The following RASAL2 variants were observed in gnomAD, a reference collection of about 807,000 sequenced individuals.
The protein encoded by RASAL2 is RAS protein activator like 2.
Under a neutral mutation model 128.9 loss-of-function variants are expected in RASAL2, and 58 were observed. That is an observed-to-expected ratio of 0.45 (90% CI 0.36 to 0.56). The LOEUF (loss-of-function observed/expected upper bound fraction) is 0.56, where lower values mean the gene tolerates loss of function less well. RASAL2 is among the 20% of genes least tolerant of loss of function. The probability of loss-of-function intolerance (pLI) is 0.00; values close to 1 mark genes in which losing one functional copy is unlikely to be tolerated. For synonymous variants in RASAL2, 561 were observed against 580.8 expected (o/e 0.97, Z 0.49); for missense variants, 1,360 against 1,601.6 (o/e 0.85, Z 2.57).
chr1:178,166,816 T>A (rs1661531821), intron 1 of RASAL2, among the ~76,000 whole-genome samples: 1 of 152,122 alleles, frequency 6.6e-6, no homozygotes, highest in South Asian at 2.1e-4. Flanking sequence ...ACCTAATTTA[T>A]GTTAGGTTGT....
chr1:178,389,152 C>A (rs1269637282), intron 3 of RASAL2: 2 of 399,114 alleles, frequency 5.0e-6, no homozygotes, highest in Non-Finnish European at 6.8e-6. Context: ...CGATTTACTC[C>A]TTGTTTTCTA....
chr1:178,276,157 G>T (rs1406831210), intron 1 of RASAL2, among the ~76,000 whole-genome samples: 1 of 152,118 alleles, frequency 6.6e-6, no homozygotes, highest in African/African-American at 2.4e-5. Flanking sequence ...AATATAATTT[G>T]CCAGCCCAAA....
At position 178,457,910 on chromosome 1, in the gene RASAL2, G is replaced by C; in HGVS notation, c.2618G>C (p.Arg873Pro). 1 of 1,614,118 alleles carries C rather than the reference G, an allele frequency of 6.2e-7. No homozygotes were observed. The highest frequency in any genetic ancestry group is 8.5e-7 in the Non-Finnish European group (1 of 1,180,022). The part of the protein sequence containing the change: ...HASVMLDVPI[R>P]LTGSQLSITQ... ...TCTGTCATGCTTGATGTGCCTATAC[G>C]CTTGACCGGAAGCCAGCTTTCCATA... Residue 873 changes from arginine to proline, a missense_variant, in exon 14 of 18, where the codon CGC becomes CCC. By Grantham distance (103) the Arg-to-Pro change is moderately radical. Coordinates refer to ENST00000367649, the MANE Select transcript of RASAL2 (RefSeq NM_170692.4).
At chr1:178,399,655 A>G (rs1357981658) in intron 4 of RASAL2, among the ~76,000 whole-genome samples, 2 of 152,222 alleles carry the variant, frequency 1.3e-5, no homozygotes, top group African/African-American at 4.8e-5. Context: ...AAAAGGCAGC[A>G]TGGCAAGTGG....
intron 3 of RASAL2, among the ~76,000 whole-genome samples, chr1:178,308,035 G>A (rs1212284979): frequency 6.6e-6 from 1 of 152,040 alleles, no homozygotes; most frequent in Non-Finnish European, 1.5e-5. Flanking sequence ...GAGATCTCAT[G>A]CCTCTATTTT....
chr1:178,291,933 G>A (rs1183917237), intron 2 of RASAL2, among the ~76,000 whole-genome samples: 1 of 151,246 alleles, frequency 6.6e-6, no homozygotes, highest in Non-Finnish European at 1.5e-5. Context: ...TACTCGGGAG[G>A]CTGAGGCAGG....
chr1:178,141,203 T>TC (rs983223317), intron 1 of RASAL2, among the ~76,000 whole-genome samples: 4 of 132,132 alleles, frequency 3.0e-5, no homozygotes, highest in Non-Finnish European at 6.4e-5. Context: ...CTTTTTTTTT[T>TC]TTTTTTTTTT....
At chr1:178,322,580 T>A (rs1288145382) in intron 3 of RASAL2, among the ~76,000 whole-genome samples, 3 of 152,244 alleles carry the variant, frequency 2.0e-5, no homozygotes, top group African/African-American at 7.2e-5. Context: ...TCTGTTAATA[T>A]GACCACCATC....
intron 14 of RASAL2, 74 bp downstream of exon 14, chr1:178,458,618 T>C (rs1030278904): frequency 2.9e-5 from 43 of 1,483,276 alleles, no homozygotes; most frequent in Admixed American, 2.5e-4. Flanking sequence ...ACATAAATCA[T>C]TGGGAAATCC....
At chr1:178,126,059 A>G (rs917048181) in intron 1 of RASAL2, among the ~76,000 whole-genome samples, 2 of 152,330 alleles carry the variant, frequency 1.3e-5, no homozygotes, top group Middle Eastern at 3.4e-3. Context: ...TACTACTTGT[A>G]TAAATTTTAC....
chr1:178,121,861 T>G (rs1398886874), intron 1 of RASAL2, among the ~76,000 whole-genome samples: 1 of 152,168 alleles, frequency 6.6e-6, no homozygotes, highest in African/African-American at 2.4e-5. Context: ...TGTGTATAGC[T>G]TAAAACAAAA....
chr1:178,275,950 C>T (rs1269935756), intron 1 of RASAL2, among the ~76,000 whole-genome samples: 1 of 152,068 alleles, frequency 6.6e-6, no homozygotes, highest in Non-Finnish European at 1.5e-5. Context: ...AAATTTATTT[C>T]GGCAAATAGT....
intron 3 of RASAL2, among the ~76,000 whole-genome samples, chr1:178,311,758 C>T (rs1668263545): frequency 6.6e-6 from 1 of 151,706 alleles, no homozygotes. Flanking sequence ...TCTAAGAATA[C>T]CAACTTTCCC....
intron 1 of RASAL2, among the ~76,000 whole-genome samples, chr1:178,151,359 C>T (rs1447334595): frequency 6.6e-6 from 1 of 152,020 alleles, no homozygotes; most frequent in African/African-American, 2.4e-5. Context: ...GAGCCGAGAT[C>T]GCACCACTTC....
At chr1:178,296,200 C>A (rs1043912188) in intron 2 of RASAL2, among the ~76,000 whole-genome samples, 1 of 150,652 alleles carries the variant, frequency 6.6e-6, no homozygotes, top group Non-Finnish European at 1.5e-5. Context: ...TAAATATGTG[C>A]CACATTGCTT....
Position 178,478,304 on chromosome 1 carries a change from G to C in RASAL2, c.*5065G>C. ...TTTTATGTGATTTCCAAATTTTCGA[G>C]GGAAACATTTCAATTCCCAGTTCAA... On this transcript the variant is annotated 3_prime_UTR_variant, in exon 18 of 18. Coordinates refer to ENST00000367649, the MANE Select transcript of RASAL2 (RefSeq NM_170692.4). The C allele has an allele frequency of 6.6e-6, 1 of 152,056 alleles. No homozygotes were observed. Among genetic ancestry groups the C allele is most frequent in the Non-Finnish European group, 1.5e-5 (1 of 68,008 alleles). The allele number at this position is 152,056 out of a possible 1,614,324, so 9.4% of individuals were successfully genotyped here.
At position 178,128,308 on chromosome 1, in the gene RASAL2, G is replaced by A. The variant is rs1659973173; in HGVS notation, c.202+33614G>A. On this transcript the variant is annotated intron_variant, in intron 1 of 17. Transcript: ENST00000367649. Reference sequence around the variant, plus strand: ...CAGATAAATAGGAGTTCTAACTCTGGTCATGCCATTTATTAACTGAATAAC... The same window carrying A: ...CAGATAAATAGGAGTTCTAACTCTGATCATGCCATTTATTAACTGAATAAC... Among the ~76,000 whole-genome samples, 3 of 151,972 alleles carry A rather than the reference G, an allele frequency of 2.0e-5. No homozygotes were observed. In the South Asian group the frequency reaches 6.2e-4, roughly 31 times the overall value.
At chr1:178,445,286 A>G (rs1033301804) in intron 8 of RASAL2, among the ~76,000 whole-genome samples, 1 of 152,216 alleles carries the variant, frequency 6.6e-6, no homozygotes. Flanking sequence ...TGTAGACTGC[A>G]TTCAGAATTA....
At chr1:178,455,444 C>A (rs1041411587) in intron 12 of RASAL2, among the ~76,000 whole-genome samples, 1 of 152,018 alleles carries the variant, frequency 6.6e-6, no homozygotes, top group African/African-American at 2.4e-5. Context: ...ACTTATTTTC[C>A]TCTATTTTCC....
Sources: gnomAD v4.1 joint callset for allele counts (sites outside exome capture counted in the v4.1 genomes callset) on GRCh38, gnomAD v4.1.1 for gene constraint, MANE v1.5 for transcripts, NCBI Gene and HGNC (gene_info 2026-07-23, HGNC 2026-07-21) for gene names.